INSL6: variants seen among roughly 807,000 people sequenced by gnomAD.
The protein encoded by INSL6 is insulin like 6.
A neutral mutation model predicts 9.4 loss-of-function variants in INSL6; 16 were observed. That is an observed-to-expected ratio of 1.70 (90% CI 1.15 to 2.59). The LOEUF (loss-of-function observed/expected upper bound fraction) is 2.59. Among genes scored for constraint, INSL6 ranks in the 30% most tolerant of loss-of-function variants. INSL6 has a pLI of 0.00. For synonymous variants in INSL6, 154 were observed against 96.9 expected (o/e 1.59, Z -3.46); for missense variants, 391 against 257.3 (o/e 1.52, Z -3.56).
chr9:5,042,048 G>C, the INSL6 span: 1 of 287,614 alleles, frequency 3.5e-6, no homozygotes, highest in African/African-American at 2.3e-5. Context: ...CCAGGACACA[G>C]ACTGCAGGGT....
chr9:5,065,989 T>A, the INSL6 span, among the ~76,000 whole-genome samples: 2 of 152,198 alleles, frequency 1.3e-5, no homozygotes, highest in Non-Finnish European at 2.9e-5. Flanking sequence ...TTAATATTTT[T>A]AAAACTCCTT....
At chr9:4,994,422 C>G in the INSL6 span, among the ~76,000 whole-genome samples, 1 of 152,266 alleles carries the variant, frequency 6.6e-6, no homozygotes, top group East Asian at 1.9e-4. Flanking sequence ...TTCATTAGCT[C>G]TGGAGTGGGA....
the INSL6 span, among the ~76,000 whole-genome samples, chr9:5,024,432 T>C: frequency 6.6e-6 from 1 of 152,092 alleles, no homozygotes; most frequent in South Asian, 2.1e-4. Flanking sequence ...GGGGCTCTCA[T>C]TCAGTGTTTA....
intron 3 of INSL6, chr9:5,128,265 TG>T (rs1467164735): frequency 8.7e-6 from 2 of 229,736 alleles, no homozygotes; most frequent in African/African-American, 2.2e-5. Flanking sequence ...AAGGAAGAAA[TG>T]TTTTTTACAT....
chr9:5,069,794 T>C, the INSL6 span: 1 of 450,086 alleles, frequency 2.2e-6, no homozygotes, highest in Non-Finnish European at 3.7e-6. Flanking sequence ...AATTTTCTAT[T>C]ATAAAAAAAG....
chr9:5,051,401 G>T, the INSL6 span, among the ~76,000 whole-genome samples: 1 of 152,170 alleles, frequency 6.6e-6, no homozygotes, highest in South Asian at 2.1e-4. Flanking sequence ...CCAAATGGTG[G>T]TGTATATTTT....
chr9:5,148,168 T>C (rs919303042), intron 2 of INSL6, among the ~76,000 whole-genome samples: 1 of 152,220 alleles, frequency 6.6e-6, no homozygotes, highest in African/African-American at 2.4e-5. Context: ...AGAGCTGGTA[T>C]TCCTTCAATT....
At chr9:5,102,778 C>T in the INSL6 span, among the ~76,000 whole-genome samples, 1 of 152,146 alleles carries the variant, frequency 6.6e-6, no homozygotes, top group African/African-American at 2.4e-5. Context: ...CCCAGAATTT[C>T]ATATCCAGCC....
At chr9:5,012,120 C>T in the INSL6 span, among the ~76,000 whole-genome samples, 1 of 152,170 alleles carries the variant, frequency 6.6e-6, no homozygotes, top group South Asian at 2.1e-4. Flanking sequence ...CAATTTTTGG[C>T]TTTTCTAGCA....
intron 1 of INSL6, among the ~76,000 whole-genome samples, chr9:5,182,406 G>C (rs559296932): frequency 2.0e-4 from 31 of 152,144 alleles, no homozygotes; most frequent in African/African-American, 7.5e-4. Flanking sequence ...AGGAGAATGG[G>C]AGTGGAGAAA....
chr9:5,093,176 AT>A, the INSL6 span, among the ~76,000 whole-genome samples: 2 of 152,324 alleles, frequency 1.3e-5, no homozygotes, highest in Non-Finnish European at 1.5e-5. Flanking sequence ...ACAGCTAGAT[AT>A]TTTACAATAA....
At chr9:5,079,161 T>G in the INSL6 span, among the ~76,000 whole-genome samples, 2 of 152,226 alleles carry the variant, frequency 1.3e-5, no homozygotes, top group Admixed American at 1.3e-4. Context: ...GAGTAGGGAG[T>G]ATGGCAGAAA....
the INSL6 span, among the ~76,000 whole-genome samples, chr9:5,079,722 G>A: frequency 2.6e-5 from 4 of 152,062 alleles, no homozygotes; most frequent in South Asian, 4.1e-4. Flanking sequence ...TTCCTAAAGC[G>A]CTTGGGTGGA....
intron 1 of INSL6, among the ~76,000 whole-genome samples, chr9:5,180,193 ACT>A (rs767143730): frequency 6.6e-6 from 1 of 152,090 alleles, no homozygotes; most frequent in African/African-American, 2.4e-5. Flanking sequence ...GCCTGTCTTT[ACT>A]CTCTTAATCC....
At chr9:5,085,383 G>A in the INSL6 span, 4 of 896,694 alleles carry the variant, frequency 4.5e-6, no homozygotes, top group Non-Finnish European at 5.6e-6. Flanking sequence ...GCACCACTGG[G>A]TCGGGGCATC....
chr9:5,035,225 A>T, the INSL6 span, among the ~76,000 whole-genome samples: 2 of 152,350 alleles, frequency 1.3e-5, no homozygotes, highest in Admixed American at 1.3e-4. Context: ...AGGCTCTGAA[A>T]TTGAGGCAAT....
the INSL6 span, among the ~76,000 whole-genome samples, chr9:5,096,513 G>C: frequency 1.3e-5 from 2 of 152,156 alleles, no homozygotes; most frequent in South Asian, 2.1e-4. Context: ...GAGGGTGGTA[G>C]GCCGGAGAAG....
At chr9:5,046,558 T>C in the INSL6 span, among the ~76,000 whole-genome samples, 1 of 152,212 alleles carries the variant, frequency 6.6e-6, no homozygotes, top group Non-Finnish European at 1.5e-5. Flanking sequence ...ATTGGGTCCA[T>C]TTTGAGTTAA....
At chr9:5,152,771 AG>A (rs1320663026) in intron 2 of INSL6, among the ~76,000 whole-genome samples, 1 of 152,252 alleles carries the variant, frequency 6.6e-6, no homozygotes, top group African/African-American at 2.4e-5. Context: ...ATGGCCAAAC[AG>A]GAACAGCTCC....
Sources: gnomAD v4.1 joint callset for allele counts (sites outside exome capture counted in the v4.1 genomes callset) on GRCh38, gnomAD v4.1.1 for gene constraint, MANE v1.5 for transcripts, NCBI Gene and HGNC (gene_info 2026-07-23, HGNC 2026-07-21) for gene names.